Variants in SLC7A10 observed in about 807,000 individuals in gnomAD.
SLC7A10 encodes solute carrier family 7 member 10, also known as asc-type amino acid transporter 1.
A neutral mutation model predicts 52.7 loss-of-function variants in SLC7A10; 30 were observed. The ratio of observed to expected loss-of-function variants is 0.57; its 90% CI spans 0.43 to 0.77. The LOEUF (loss-of-function observed/expected upper bound fraction) is 0.77. SLC7A10 is among the 30% of genes least tolerant of loss of function. The pLI, the probability that SLC7A10 is intolerant of heterozygous loss-of-function variation, is 0.00. For synonymous variants in SLC7A10, 318 were observed against 314.9 expected (o/e 1.01, Z -0.10); for missense variants, 581 against 698.5 (o/e 0.83, Z 1.90).
chr19:33,216,151 C>T (rs919230472), intron 1 of SLC7A10, among the ~76,000 whole-genome samples, 178 bp from the exon 2 acceptor site: 1 of 152,272 alleles, frequency 6.6e-6, no homozygotes, highest in African/African-American at 2.4e-5. Flanking sequence ...CCAGCAAGTG[C>T]CATTCTGGGC....
intron 2 of SLC7A10, 35 bp downstream of exon 2, chr19:33,215,734 G>C: frequency 6.5e-7 from 1 of 1,545,026 alleles, no homozygotes; most frequent in Non-Finnish European, 8.7e-7. Flanking sequence ...ATTCCCAAGA[G>C]GGTGTCCCCC....
intron 2 of SLC7A10, 119 bp downstream of exon 2, chr19:33,215,628 CCACCCCCCACACCTTCTCTCCA>C: frequency 5.0e-6 from 3 of 600,612 alleles, no homozygotes; most frequent in East Asian, 4.8e-5. Flanking sequence ...TTCTCTCCAT[CCACCCCCCACACCTTCTCTCCA>C]TCCACCCCCA....
chr19:33,215,759 C>T lies in SLC7A10; in HGVS notation c.356+10G>A. ...GGGTGTCCCCCTGCCCGCTGGTGCC[C>T]CACACTCACCCAGCCAGGCCCCCGA... On this transcript the variant is annotated intron_variant, in intron 2 of 10. Transcript: ENST00000253188. 1 of 1,552,506 alleles carries T rather than the reference C, an allele frequency of 6.4e-7. No homozygotes were observed. The highest frequency in any genetic ancestry group is 1.4e-5 in the African/African-American group (1 of 73,176).
At chr19:33,217,540 C>A (rs1367462453) in intron 1 of SLC7A10, among the ~76,000 whole-genome samples, 1 of 152,166 alleles carries the variant, frequency 6.6e-6, no homozygotes, top group African/African-American at 2.4e-5. Flanking sequence ...GAACCTCAGA[C>A]CATATGAACA....
chr19:33,218,686 T>TTCTTTCTTTTCTTTTCTTTTCTTTTC (rs1568394271), intron 1 of SLC7A10, among the ~76,000 whole-genome samples: 1 of 74,684 alleles, frequency 1.3e-5, no homozygotes, highest in African/African-American at 5.7e-5. Flanking sequence ...TCTTTCTTTT[T>TTCTTTCTTTTCTTTTCTTTTCTTTTC]TTTTTTTTTT....
Position 33,210,953 on chromosome 19 carries a change from C to T in SLC7A10, c.1017-55G>A. 1 of 1,534,202 alleles carries T rather than the reference C, an allele frequency of 6.5e-7. No individual in the cohort carries two copies. Among genetic ancestry groups the T allele is most frequent in the East Asian group, 2.3e-5 (1 of 44,270 alleles). ...CCACATCCTGGGTCTCAGCTTTGGACCTGATGTCCCTCTTAAGCTGTCGCC... is the reference window on the plus strand; with the variant it reads ...CCACATCCTGGGTCTCAGCTTTGGATCTGATGTCCCTCTTAAGCTGTCGCC... On this transcript the variant is annotated intron_variant, in intron 7 of 10. Coordinates refer to ENST00000253188, the MANE Select transcript of SLC7A10 (RefSeq NM_019849.3). This position sits in a 1 kb window ranked among gnomAD's most constrained non-coding sequence, Gnocchi z 5.6.
intron 1 of SLC7A10, among the ~76,000 whole-genome samples, chr19:33,223,898 T>C (rs1974865614): frequency 6.6e-6 from 1 of 151,544 alleles, no homozygotes; most frequent in Admixed American, 6.6e-5. Context: ...AGGAGGGTGA[T>C]AGTGGAGTTG....
rs61182747 is a variant in SLC7A10 at position 33,210,614 on chromosome 19, G to A, written c.1116C>T (p.Cys372=). ...CTPIPALLVC[C]GATAVIMLVG... Reference sequence around the variant, plus strand: ...CGAGCATGATGACGGCTGTGGCCCCGCACTGGGAGAGGACCTGGGGCTGAC... The same window carrying A: ...CGAGCATGATGACGGCTGTGGCCCCACACTGGGAGAGGACCTGGGGCTGAC... The change falls in exon 9 of 11, where the codon TGC becomes TGT. Residue 372 remains cysteine (C), a splice_region_variant and synonymous_variant. Coordinates refer to ENST00000253188, the MANE Select transcript of SLC7A10 (RefSeq NM_019849.3). The surrounding 1 kb of genome is among the most constrained non-coding windows in gnomAD (Gnocchi z 5.6). 15,442 of 1,611,288 alleles carry A rather than the reference G, an allele frequency of 9.6e-3. 1,310 individuals carry two copies. In the African/African-American group the frequency reaches 0.19, roughly 19 times the overall value.
rs994509677 is a variant in SLC7A10 at position 33,216,304 on chromosome 19, G to A, written c.152-331C>T. Among the ~76,000 whole-genome samples, 6 of 152,174 alleles carry A rather than the reference G, an allele frequency of 3.9e-5. 1 individual carries two copies. The South Asian group carries it at 1.2e-3, about 32-fold the overall frequency. ...GAGGCGGGGCCAGCAAAGTGAGGAG[G>A]CTGAACCACCTGAGCGACGGCAGAC... On this transcript the variant is annotated intron_variant, in intron 1 of 10. Coordinates refer to ENST00000253188, the MANE Select transcript of SLC7A10 (RefSeq NM_019849.3).
chr19:33,216,916 C>T (rs1178044774), intron 1 of SLC7A10, among the ~76,000 whole-genome samples: 1 of 151,928 alleles, frequency 6.6e-6, no homozygotes, highest in African/African-American at 2.4e-5. Context: ...GCTCTGCCAC[C>T]CTGGCTGGAG....
At chr19:33,215,530 G>T (rs1274469386) in intron 2 of SLC7A10, among the ~76,000 whole-genome samples, 1 of 142,892 alleles carries the variant, frequency 7.0e-6, no homozygotes, top group African/African-American at 2.6e-5. Context: ...ACACATCAGT[G>T]GGGTGGAGTG....
chr19:33,209,663 T>G (rs1974497043), intron 9 of SLC7A10, among the ~76,000 whole-genome samples, 178 bp from the exon 10 acceptor site: 1 of 152,056 alleles, frequency 6.6e-6, no homozygotes. Context: ...AATTCATGGG[T>G]CAGGCCGTTG....
intron 1 of SLC7A10, among the ~76,000 whole-genome samples, chr19:33,222,546 C>T (rs1209586423): frequency 6.6e-6 from 1 of 152,028 alleles, no homozygotes; most frequent in East Asian, 1.9e-4. Context: ...AAATCCTGAG[C>T]CTACCCCTTG....
chr19:33,222,440 TA>T (rs1374591550), intron 1 of SLC7A10, among the ~76,000 whole-genome samples: 23 of 89,804 alleles, frequency 2.6e-4, no homozygotes, highest in Non-Finnish European at 4.0e-4. Context: ...TAAAATAAAA[TA>T]AAATAAATAA....
chr19:33,224,040 G>A (rs776669553), intron 1 of SLC7A10, among the ~76,000 whole-genome samples: 28 of 151,630 alleles, frequency 1.8e-4, no homozygotes, highest in Non-Finnish European at 3.4e-4. Flanking sequence ...TGTGGCCTGG[G>A]GAGGATGGGA....
intron 2 of SLC7A10, among the ~76,000 whole-genome samples, chr19:33,214,312 T>C (rs533193388): frequency 2.0e-5 from 3 of 152,044 alleles, no homozygotes; most frequent in African/African-American, 7.2e-5. Context: ...AACCAAACTT[T>C]GTAAATTTCA....
Position 33,215,775 on chromosome 19 carries a change from A to G in SLC7A10, c.350T>C (p.Leu117Pro), listed in dbSNP as rs965717987. Reference sequence around the variant, plus strand: ...GCTGGTGCCCCACACTCACCCAGCCAGGCCCCCGAAGATCTCTGTGACGTA... The same window carrying G: ...GCTGGTGCCCCACACTCACCCAGCCGGGCCCCCGAAGATCTCTGTGACGTA... ...YAYVTEIFGG[L>P]AGFLLLWSAV... The change falls in exon 2 of 11, where the codon CTG becomes CCG. Residue 117 changes from leucine to proline, a missense_variant. Transcript: ENST00000253188. The G allele has an allele frequency of 9.0e-6, 14 of 1,555,540 alleles. No individual in the cohort carries two copies. The Middle Eastern group carries it at 6.7e-4, about 75-fold the overall frequency.
At chr19:33,211,805 T>C in intron 5 of SLC7A10, 1 of 559,406 alleles carries the variant, frequency 1.8e-6, no homozygotes, top group South Asian at 2.0e-5. Flanking sequence ...TGCAGAAAGA[T>C]AAAATCGCAT....
chr19:33,214,453 C>T (rs965382146), intron 2 of SLC7A10, among the ~76,000 whole-genome samples: 1 of 152,238 alleles, frequency 6.6e-6, no homozygotes, highest in Admixed American at 6.5e-5. Context: ...GGCTCCTAAA[C>T]GATTTTAGAA....
Sources: allele counts gnomAD v4.1 joint callset (sites outside exome capture counted in the v4.1 genomes callset), GRCh38; gene constraint gnomAD v4.1.1; non-coding constraint Gnocchi (gnomAD v3.1); transcripts MANE v1.5; gene names NCBI Gene and HGNC (gene_info 2026-07-23, HGNC 2026-07-21).